The following UNC5D variants were observed in gnomAD, a reference collection of about 807,000 sequenced individuals.
UNC5D encodes unc-5 netrin receptor D.
In UNC5D, 39 loss-of-function variants were observed where a neutral mutation model predicts 105.4. That is an observed-to-expected ratio of 0.37 (90% CI 0.29 to 0.48). The LOEUF (loss-of-function observed/expected upper bound fraction) is 0.48, where lower values mean the gene tolerates loss of function less well. Among genes scored for constraint, UNC5D ranks in the 20% least tolerant of loss-of-function variants. The pLI is 0.98. For missense variants in UNC5D, 991 were observed against 1,202.4 expected (o/e 0.82, Z 2.60); for synonymous variants, 452 against 450.4 (o/e 1.00, Z -0.04).
Position 35,774,287 on chromosome 8 carries a change from T to C in UNC5D, c.2479-12T>C. On this transcript the variant is annotated splice_polypyrimidine_tract_variant and intron_variant, in intron 15 of 16. Transcript: ENST00000404895. ...GATAGATCTGATCATGCGTTCCTTA[T>C]TTTGTTTATAGAGTGAACGAGAAAC... 6.2e-7 allele frequency: 1 copy of C among 1,613,808 alleles called. No homozygotes were observed. Among genetic ancestry groups the C allele is most frequent in the Non-Finnish European group, 8.5e-7 (1 of 1,179,718 alleles).
chr8:35,504,709 G>C (rs942496539), intron 1 of UNC5D, among the ~76,000 whole-genome samples: 3 of 152,148 alleles, frequency 2.0e-5, no homozygotes, highest in African/African-American at 7.2e-5. Flanking sequence ...AGTGTAGAGT[G>C]CATCTTCCTG....
intron 8 of UNC5D, among the ~76,000 whole-genome samples, chr8:35,707,838 C>T (rs1473621631): frequency 1.3e-5 from 2 of 152,126 alleles, no homozygotes; most frequent in African/African-American, 2.4e-5. Context: ...TTGGGGTTCT[C>T]GTTCCTGAGC....
intron 1 of UNC5D, among the ~76,000 whole-genome samples, chr8:35,320,413 C>G (rs1195243199): frequency 6.6e-6 from 1 of 151,994 alleles, no homozygotes; most frequent in Non-Finnish European, 1.5e-5. Flanking sequence ...CTTCCAAGCT[C>G]TTATCAGACA....
At chr8:35,525,974 G>T (rs1813843966) in intron 1 of UNC5D, among the ~76,000 whole-genome samples, 1 of 152,114 alleles carries the variant, frequency 6.6e-6, no homozygotes, top group Admixed American at 6.5e-5. Context: ...TATAACTGGT[G>T]TAATTATCTT....
intron 7 of UNC5D, among the ~76,000 whole-genome samples, chr8:35,699,588 G>A (rs1256881476): frequency 3.3e-5 from 5 of 152,140 alleles, no homozygotes; most frequent in East Asian, 3.9e-4. Flanking sequence ...TTCTCTAACC[G>A]ACATCACCAA....
intron 10 of UNC5D, chr8:35,726,733 G>A (rs1052024102): frequency 1.4e-5 from 10 of 732,190 alleles, no homozygotes; most frequent in African/African-American, 5.3e-5. Context: ...TCTCAGCATG[G>A]ATTGAATGCT....
At chr8:35,674,503 G>A (rs1050218936) in intron 4 of UNC5D, among the ~76,000 whole-genome samples, 2 of 152,032 alleles carry the variant, frequency 1.3e-5, no homozygotes, top group Non-Finnish European at 2.9e-5. Context: ...TTACCTCCTA[G>A]AGATGCTTTA....
At chr8:35,402,890 A>G (rs1399153073) in intron 1 of UNC5D, among the ~76,000 whole-genome samples, 5 of 152,148 alleles carry the variant, frequency 3.3e-5, no homozygotes, top group Non-Finnish European at 7.4e-5. Flanking sequence ...GGAGCTCTCC[A>G]TATTCGTGCC....
chr8:35,527,950 T>C (rs183206151), intron 1 of UNC5D, among the ~76,000 whole-genome samples: 463 of 152,126 alleles, frequency 3.0e-3, no homozygotes, highest in Non-Finnish European at 3.9e-3. Flanking sequence ...AATTTCAACA[T>C]TTTAATTTGG....
At chr8:35,516,757 G>A (rs1189511583) in intron 1 of UNC5D, among the ~76,000 whole-genome samples, 1 of 151,888 alleles carries the variant, frequency 6.6e-6, no homozygotes, top group Non-Finnish European at 1.5e-5. Flanking sequence ...TGCTTATTTT[G>A]TGCTTCCCAA....
rs1803012285 is a variant in UNC5D at position 35,790,972 on chromosome 8, G to A, written c.*409G>A. 1 of 195,166 alleles carries A rather than the reference G, an allele frequency of 5.1e-6. No individual in the cohort carries two copies. Among genetic ancestry groups the A allele is most frequent in the Admixed American group, 5.3e-5 (1 of 18,878 alleles). The allele number at this position is 195,166 out of a possible 1,614,324, so 12.1% of individuals were successfully genotyped here. A position where few individuals can be genotyped will look rare whatever the true frequency, so the allele number is the denominator to read the frequency against. On this transcript the variant is annotated 3_prime_UTR_variant, in exon 17 of 17. Coordinates refer to ENST00000404895, the MANE Select transcript of UNC5D (RefSeq NM_080872.4). ...CTGATTCTGGTACTAGATTGTCAGA[G>A]TTTTCTACCAACTGGCATCTGTGAT...
At chr8:35,274,834 A>G in intron 1 of UNC5D, among the ~76,000 whole-genome samples, 1 of 152,336 alleles carries the variant, frequency 6.6e-6, no homozygotes, top group South Asian at 2.1e-4. Context: ...ATTCTAAAAA[A>G]TATATTTTTC....
chr8:35,770,893 C>A (rs1158976915), intron 15 of UNC5D, among the ~76,000 whole-genome samples: 1 of 152,114 alleles, frequency 6.6e-6, no homozygotes, highest in African/African-American at 2.4e-5. Context: ...CCTTAGCTTA[C>A]CAGGTAGCAG....
At chr8:35,566,912 G>GT (rs1817379979) in intron 2 of UNC5D, among the ~76,000 whole-genome samples, 1 of 152,112 alleles carries the variant, frequency 6.6e-6, no homozygotes. Flanking sequence ...GAGTTAACTG[G>GT]TGAGGCAAGT....
At chr8:35,254,245 T>C (rs536803709) in intron 1 of UNC5D, 25 of 152,362 alleles carry the variant, frequency 1.6e-4, no homozygotes, top group Admixed American at 8.5e-4. Flanking sequence ...ATCATTGAAC[T>C]AAATTGGGGT....
At chr8:35,578,356 G>A (rs575910866) in intron 3 of UNC5D, among the ~76,000 whole-genome samples, 1 of 150,786 alleles carries the variant, frequency 6.6e-6, no homozygotes, top group Non-Finnish European at 1.5e-5. Flanking sequence ...ACACATACCT[G>A]TGTCGAGGAA....
At chr8:35,722,084 T>A (rs552013619) in intron 8 of UNC5D, 126 bp from the exon 9 acceptor site, 2 of 1,047,062 alleles carry the variant, frequency 1.9e-6, no homozygotes, top group African/African-American at 1.6e-5. Context: ...TTGTGTTCAC[T>A]GTACATCTGT....
intron 1 of UNC5D, among the ~76,000 whole-genome samples, chr8:35,292,716 CTTTTTTTTTT>C (rs35935733): frequency 8.1e-6 from 1 of 123,638 alleles, no homozygotes. Context: ...CTTTTTTTTC[CTTTTTTTTTT>C]TTTTTTTTGA....
chr8:35,460,711 G>A (rs930867108), intron 1 of UNC5D, among the ~76,000 whole-genome samples: 7 of 152,160 alleles, frequency 4.6e-5, no homozygotes, highest in Admixed American at 2.0e-4. Flanking sequence ...CACGCATGTT[G>A]GAGACAATTT....
Sources: allele counts gnomAD v4.1 joint callset (sites outside exome capture counted in the v4.1 genomes callset), GRCh38; gene constraint gnomAD v4.1.1; transcripts MANE v1.5; gene names NCBI Gene and HGNC (gene_info 2026-07-23, HGNC 2026-07-21).